ODAD4: variants seen among roughly 807,000 people sequenced by gnomAD.
ODAD4 encodes outer dynein arm docking complex subunit 4, also known as outer dynein arm-docking complex subunit 4.
Under a neutral mutation model 51.8 loss-of-function variants are expected in ODAD4, and 49 were observed. That is an observed-to-expected ratio of 0.95 (90% CI 0.75 to 1.20). ODAD4 has a LOEUF of 1.20. Among genes scored for constraint, ODAD4 ranks in the 50% most tolerant of loss-of-function variants. ODAD4 has a pLI of 0.00. For synonymous variants in ODAD4, 235 were observed against 221.3 expected, an observed-to-expected ratio of 1.06 and a Z score of -0.55; for missense variants, 590 against 586.5, an observed-to-expected ratio of 1.01 and a Z score of -0.06.
chr17:41,935,504 A>G, intron 2 of ODAD4, 95 bp from the exon 3 acceptor site: 1 of 1,519,540 alleles, frequency 6.6e-7, no homozygotes, highest in Non-Finnish European at 8.9e-7. Flanking sequence ...CTGTATTCCA[A>G]CCTTGACCTT....
intron 8 of ODAD4, among the ~76,000 whole-genome samples, chr17:41,947,649 G>T (rs1228133329): frequency 6.6e-6 from 1 of 151,448 alleles, no homozygotes; most frequent in Non-Finnish European, 1.5e-5. Context: ...TGCAAAATTA[G>T]CCAGGCGTGG....
At chr17:41,963,500 G>A (rs993507999) in intron 11 of ODAD4, among the ~76,000 whole-genome samples, 1 of 152,188 alleles carries the variant, frequency 6.6e-6, no homozygotes, top group Non-Finnish European at 1.5e-5. Flanking sequence ...GAAGATGCTG[G>A]AGAAAATCCT....
intron 1 of ODAD4, among the ~76,000 whole-genome samples, chr17:41,932,706 G>T (rs1169466019): frequency 6.8e-6 from 1 of 147,158 alleles, no homozygotes; most frequent in Non-Finnish European, 1.5e-5. Flanking sequence ...CACCACGCCT[G>T]GCTAATTTTT....
intron 7 of ODAD4, among the ~76,000 whole-genome samples, chr17:41,942,528 C>G (rs1463101198): frequency 1.3e-5 from 2 of 152,162 alleles, no homozygotes; most frequent in Non-Finnish European, 2.9e-5. Context: ...AACAGAGTAC[C>G]CACTCTAGAA....
chr17:41,955,140 G>A lies in ODAD4; in HGVS notation c.1343-77G>A, dbSNP rs374848717. 2.7e-4 allele frequency: 195 copies of A among 726,676 alleles called. 1 individual carries two copies. In the East Asian group the frequency reaches 3.4e-3, roughly 13 times the overall value. The allele number at this position is 726,676 out of a possible 1,614,324, so 45.0% of individuals were successfully genotyped here. A position where few individuals can be genotyped will look rare whatever the true frequency, so the allele number is the denominator to read the frequency against. ...CTTCTGATGGGCCCTGGCAGTGCTCGAGTAGCCAGAGGCTCCATCATGCAC... is the reference window on the plus strand; with the variant it reads ...CTTCTGATGGGCCCTGGCAGTGCTCAAGTAGCCAGAGGCTCCATCATGCAC... On this transcript the variant is annotated intron_variant, in intron 9 of 11. Transcript: ENST00000377540.
chr17:41,938,761 GC>G lies in ODAD4; in HGVS notation c.832del (p.Leu278TrpfsTer24). The G allele has an allele frequency of 6.2e-7, 1 of 1,613,288 alleles. No individual in the cohort carries two copies. The highest frequency in any genetic ancestry group is 8.5e-7 in the Non-Finnish European group (1 of 1,179,846). The stretch of plus-strand genomic sequence containing the variant: ...CAGACAGCCCATTACATCCTCAAGA[GC>G]CTGGAGGACATTGATATGTGTAGGT... Reference protein sequence around the residue: ...PSQTAHYILKSLEDIDMLLTS... With the variant: ...PSQTAHYILKXLEDIDMLLTS... On this transcript the variant is annotated frameshift_variant, in exon 6 of 12. Transcript: ENST00000377540. LOFTEE classifies it high-confidence loss of function.
chr17:41,937,838 G>A (rs572436940), intron 5 of ODAD4, among the ~76,000 whole-genome samples: 1 of 152,342 alleles, frequency 6.6e-6, no homozygotes, highest in African/African-American at 2.4e-5. Context: ...TGAGATGAAT[G>A]TCCCACATCA....
Position 41,930,787 on chromosome 17 carries a change from C to T in ODAD4, c.64C>T (p.Arg22Trp), listed in dbSNP as rs1567925440. Reference protein sequence around the residue: ...TFPSYMAEGERLYLCGEFSKA... With the variant: ...TFPSYMAEGEWLYLCGEFSKA... ...TCCCTCTTATATGGCCGAAGGCGAG[C>T]GGCTCTACCTGTGCGGGGAATTTTC... The change falls in exon 1 of 12, where the codon CGG becomes TGG. Residue 22 changes from arginine to tryptophan, a missense_variant. Physicochemically the swap from Arg to Trp is moderately radical, Grantham distance 101. Around this residue, in one of 3 missense-constraint regions of ODAD4, gnomAD observed 360 missense variants for 407.5 expected, o/e 0.88. Coordinates refer to ENST00000377540, the MANE Select transcript of ODAD4 (RefSeq NM_031421.5). 1.3e-6 allele frequency: 2 copies of T among 1,595,312 alleles called. No homozygotes were observed. Among genetic ancestry groups the T allele is most frequent in the South Asian group, 2.2e-5 (2 of 89,492 alleles).
In ODAD4 at chr17:41,937,757, C is replaced by T. The variant is rs577312036; in HGVS notation, c.626-800C>T. On this transcript the variant is annotated intron_variant, in intron 5 of 11. Transcript: ENST00000377540. Reference sequence around the variant, plus strand: ...AAAGTGCTGGGATTACAGGTGTGAGCCACTACACCTGGCCAGTCCAGTGCT... The same window carrying T: ...AAAGTGCTGGGATTACAGGTGTGAGTCACTACACCTGGCCAGTCCAGTGCT... Among the ~76,000 whole-genome samples, 8 of 152,114 alleles carry T rather than the reference C, an allele frequency of 5.3e-5. No individual in the cohort carries two copies. In the South Asian group the frequency reaches 1.7e-3, roughly 32 times the overall value.
At chr17:41,943,202 A>G (rs1279905574) in intron 7 of ODAD4, among the ~76,000 whole-genome samples, 2 of 152,170 alleles carry the variant, frequency 1.3e-5, no homozygotes, top group African/African-American at 4.8e-5. Context: ...CTACATACTC[A>G]TGTACATATG....
chr17:41,965,801 A>G lies in ODAD4; in HGVS notation c.*318A>G. 1 of 306,156 alleles carries G rather than the reference A, an allele frequency of 3.3e-6. No homozygotes were observed. Among genetic ancestry groups the G allele is most frequent in the South Asian group, 3.4e-5 (1 of 29,286 alleles). The allele number at this position is 306,156 out of a possible 1,614,324, so 19.0% of individuals were successfully genotyped here. On this transcript the variant is annotated 3_prime_UTR_variant, in exon 12 of 12. Transcript: ENST00000377540. ...AAGAAGTCACAGGGAGGAGAGGGGA[A>G]GGCCTGGGAGGAGAGGTGCTTCCCA...
rs544071855 is a variant in ODAD4, at chr17:41,956,360, A to AT, written c.1443+1048dup. 8.8e-5 allele frequency among the ~76,000 whole-genome samples: 13 copies of AT among 148,206 alleles called. No homozygotes were observed. The South Asian group carries it at 2.8e-3, about 32-fold the overall frequency. ...CACTGTGCCTGGCCATAATTTTTGT[A>AT]TTTTTAATAGAGATGGGATTTAGCC... is the stretch of plus-strand genomic sequence containing the variant. On this transcript the variant is annotated intron_variant, in intron 10 of 11. Transcript: ENST00000377540.
chr17:41,955,682 T>C (rs1210586780), intron 10 of ODAD4, among the ~76,000 whole-genome samples: 6 of 152,130 alleles, frequency 3.9e-5, no homozygotes, highest in East Asian at 1.9e-4. Flanking sequence ...CCTTGGCCTC[T>C]CAAAATGCTG....
At chr17:41,940,565 A>T (rs2050491795) in intron 7 of ODAD4, among the ~76,000 whole-genome samples, 2 of 152,164 alleles carry the variant, frequency 1.3e-5, no homozygotes, top group Non-Finnish European at 2.9e-5. Context: ...TATTAGAAAA[A>T]AATAGCTTTA....
chr17:41,956,467 T>C (rs1416598718), intron 10 of ODAD4, among the ~76,000 whole-genome samples: 1 of 147,012 alleles, frequency 6.8e-6, no homozygotes. Context: ...ATTACTGGTA[T>C]GAGCCACCAT....
intron 7 of ODAD4, among the ~76,000 whole-genome samples, chr17:41,944,860 A>G (rs2050565132): frequency 6.6e-6 from 1 of 152,118 alleles, no homozygotes; most frequent in Non-Finnish European, 1.5e-5. Context: ...TTGTCACATT[A>G]TCTTTTTGAG....
At chr17:41,934,589 C>T (rs542125604) in intron 1 of ODAD4, among the ~76,000 whole-genome samples, 9 of 151,908 alleles carry the variant, frequency 5.9e-5, no homozygotes, top group Middle Eastern at 3.4e-3. Flanking sequence ...TGGGCTCAAG[C>T]GTTCCGCCCA....
At chr17:41,955,106 T>TGG in intron 9 of ODAD4, 111 bp from the exon 10 acceptor site, 2 of 713,800 alleles carry the variant, frequency 2.8e-6, no homozygotes, top group Non-Finnish European at 2.6e-6. Flanking sequence ...CGACTACAGC[T>TGG]CACACAAGCT....
At chr17:41,943,567 G>A (rs374673462) in intron 7 of ODAD4, among the ~76,000 whole-genome samples, 16 of 152,208 alleles carry the variant, frequency 1.1e-4, no homozygotes, top group Non-Finnish European at 1.9e-4. Context: ...AGAATATATC[G>A]TATCAGGGTG....
Sources: gnomAD v4.1 joint callset for allele counts (sites outside exome capture counted in the v4.1 genomes callset) on GRCh38, gnomAD v4.1.1 for gene constraint, gnomAD v4.1.1 regional missense constraint, MANE v1.5 for transcripts, NCBI Gene and HGNC (gene_info 2026-07-23, HGNC 2026-07-21) for gene names.